Variants in ABCA12 observed in about 807,000 individuals in gnomAD.
ABCA12 encodes ATP binding cassette subfamily A member 12.
In ABCA12, 156 loss-of-function variants were observed where a neutral mutation model predicts 293.5. The ratio of observed to expected loss-of-function variants is 0.53; its 90% confidence interval spans 0.47 to 0.61. ABCA12 has a LOEUF of 0.61. ABCA12 is among the 20% of genes least tolerant of loss of function. ABCA12 has a pLI of 0.00. For missense variants in ABCA12, 2,797 were observed against 3,090.2 expected, an observed-to-expected ratio of 0.91 and a Z score of 2.25; for synonymous variants, 1,063 against 1,108.0, an observed-to-expected ratio of 0.96 and a Z score of 0.81.
chr2:215,107,723 A>C (rs1359371866), intron 2 of ABCA12, among the ~76,000 whole-genome samples: 1 of 152,220 alleles, frequency 6.6e-6, no homozygotes, highest in Non-Finnish European at 1.5e-5. Context: ...TATTTGTTCT[A>C]AATGAGTTAT....
chr2:215,134,464 A>ATATATCTG (rs1559213999), intron 1 of ABCA12, among the ~76,000 whole-genome samples: 1 of 122,444 alleles, frequency 8.2e-6, no homozygotes, highest in African/African-American at 3.2e-5. Flanking sequence ...ACATATATGC[A>ATATATCTG]TATGTGTATG....
At chr2:215,039,736 C>G (rs1039501623) in intron 7 of ABCA12, among the ~76,000 whole-genome samples, 1 of 151,634 alleles carries the variant, frequency 6.6e-6, no homozygotes, top group African/African-American at 2.4e-5. Context: ...GCCTGGGCAA[C>G]AGAGCAAGAC....
At chr2:215,019,120 G>A (rs190854975) in intron 13 of ABCA12, among the ~76,000 whole-genome samples, 21 of 152,270 alleles carry the variant, frequency 1.4e-4, no homozygotes, top group African/African-American at 4.6e-4. Flanking sequence ...AGATCTTTTT[G>A]CTGTGAAATC....
chr2:215,104,532 C>T (rs956907230), intron 2 of ABCA12, among the ~76,000 whole-genome samples: 2 of 152,156 alleles, frequency 1.3e-5, no homozygotes, highest in Non-Finnish European at 2.9e-5. Flanking sequence ...CAGCTCTGCA[C>T]GGGACACTGG....
Position 214,978,998 on chromosome 2 carries a change from C to T in ABCA12, c.4783G>A (p.Val1595Met), listed in dbSNP as rs141196178. The change falls in exon 32 of 53, where the codon GTG (valine) becomes ATG (methionine). Residue 1595 changes from valine (V) to methionine (M), a missense_variant. This residue lies in a region of ABCA12 where 2,130 missense variants were observed against 2,427.0 expected (regional missense o/e 0.88). Coordinates refer to ENST00000272895, the MANE Select transcript of ABCA12 (RefSeq NM_173076.3). ...NANAVCDTMA[V>M]TAMIQSHLPE... is the part of the protein sequence containing the mutation. ...AGATGTGATTGGATCATTGCTGTCA[C>T]GGCCATGGTGTCACATACTGCATTT... is the stretch of plus-strand genomic sequence containing the variant. 26 of 1,613,912 alleles carry T rather than the reference C, an allele frequency of 1.6e-5. No individual in the cohort carries two copies. The highest frequency in any genetic ancestry group is 9.3e-5 in the African/African-American group (7 of 74,888).
chr2:215,117,199 T>A (rs1182836277), intron 1 of ABCA12, among the ~76,000 whole-genome samples: 3 of 152,242 alleles, frequency 2.0e-5, no homozygotes, highest in African/African-American at 7.2e-5. Context: ...ATTTCTGCAT[T>A]CCTTTTTGAA....
chr2:214,987,538 A>C (rs1699814011), intron 27 of ABCA12, 109 bp downstream of exon 27: 5 of 1,335,244 alleles, frequency 3.7e-6, no homozygotes, highest in Non-Finnish European at 5.1e-6. Flanking sequence ...ATCCATGACT[A>C]AAAGGATGAT....
chr2:215,129,954 A>G (rs905139355), intron 1 of ABCA12, among the ~76,000 whole-genome samples: 1 of 152,166 alleles, frequency 6.6e-6, no homozygotes, highest in Non-Finnish European at 1.5e-5. Flanking sequence ...ATGGCTAGCT[A>G]GTTACCCAGC....
rs1700375832 is a variant in ABCA12 at position 215,011,625 on chromosome 2, T to A, written c.2146A>T (p.Asn716Tyr). 1.9e-6 allele frequency: 3 copies of A among 1,614,084 alleles called. No individual in the cohort carries two copies. The highest frequency in any genetic ancestry group is 1.3e-5 in the African/African-American group (1 of 75,054). Reference protein sequence around the residue: ...TQAMYRSNRMNTPQGSFSTIS... With the variant: ...TQAMYRSNRMYTPQGSFSTIS... Reference sequence around the variant, plus strand: ...GTGCTAAATGATCCTTGTGGTGTGTTCATTCGGTTGCTTCTGTACATTGCC... The same window carrying A: ...GTGCTAAATGATCCTTGTGGTGTGTACATTCGGTTGCTTCTGTACATTGCC... Residue 716 changes from asparagine (N) to tyrosine (Y), a missense_variant, in exon 17 of 53, where the codon AAC becomes TAC. This residue lies in a region of ABCA12 where 2,130 missense variants were observed against 2,427.0 expected (regional missense o/e 0.88). Transcript: ENST00000272895.
rs1307237501 is a variant in ABCA12, at chr2:215,046,017, TTA to T, written c.694-4_694-3del. ...CTGATTGTTGGGGTCACTGGATAGC[TTA>T]AAATATAAAACCACAAACAGAGCAA... On this transcript the variant is annotated splice_polypyrimidine_tract_variant and splice_region_variant and intron_variant, in intron 6 of 52. Coordinates refer to ENST00000272895, the MANE Select transcript of ABCA12 (RefSeq NM_173076.3). 6.2e-7 allele frequency: 1 copy of T among 1,613,210 alleles called. No individual in the cohort carries two copies.
At chr2:214,944,747 A>G (rs1042432409) in intron 49 of ABCA12, among the ~76,000 whole-genome samples, 2 of 152,122 alleles carry the variant, frequency 1.3e-5, no homozygotes, top group African/African-American at 4.8e-5. Context: ...CACAGGAACT[A>G]TATTCTCACC....
At chr2:215,108,283 T>G (rs1440283712) in intron 2 of ABCA12, among the ~76,000 whole-genome samples, 1 of 152,214 alleles carries the variant, frequency 6.6e-6, no homozygotes, top group African/African-American at 2.4e-5. Flanking sequence ...AATACATACA[T>G]TGGAATGCAC....
intron 44 of ABCA12, among the ~76,000 whole-genome samples, chr2:214,953,323 T>G (rs373463222): frequency 1.3e-5 from 2 of 152,328 alleles, no homozygotes; most frequent in East Asian, 1.9e-4. Context: ...TGAATAACTT[T>G]AAACATACAT....
chr2:215,082,876 G>A (rs907552441), intron 2 of ABCA12: 1 of 152,160 alleles, frequency 6.6e-6, no homozygotes, highest in Non-Finnish European at 1.5e-5. Context: ...GTACTTTCAC[G>A]AATAATATCC....
intron 50 of ABCA12, 100 bp from the exon 51 acceptor site, chr2:214,937,715 A>G: frequency 1.2e-6 from 1 of 836,944 alleles, no homozygotes; most frequent in Admixed American, 2.0e-5. Flanking sequence ...CAACCATTAT[A>G]TCACCTTTTC....
intron 2 of ABCA12, among the ~76,000 whole-genome samples, chr2:215,086,266 T>C (rs1329711337): frequency 4.6e-5 from 7 of 152,222 alleles, no homozygotes. Context: ...CTTTTGTAGT[T>C]ACTTCTAATC....
At chr2:215,013,834 G>A (rs1700428759) in intron 15 of ABCA12, among the ~76,000 whole-genome samples, 1 of 152,160 alleles carries the variant, frequency 6.6e-6, no homozygotes, top group Admixed American at 6.5e-5. Context: ...ATATTTCAGT[G>A]AACAAAGAGG....
intron 2 of ABCA12, among the ~76,000 whole-genome samples, chr2:215,104,695 G>A (rs750785924): frequency 2.6e-5 from 4 of 152,208 alleles, no homozygotes; most frequent in Non-Finnish European, 2.9e-5. Flanking sequence ...GTCTTTGGCC[G>A]TGAAATTCAA....
chr2:214,974,869 A>G lies in ABCA12; in HGVS notation c.5382-5T>C, dbSNP rs746205501. ...TCCGTGCTCGGGTGATAATTACTGC[A>G]ATATGAAAGGACAGAAACAAATTCA... On this transcript the variant is annotated splice_polypyrimidine_tract_variant and splice_region_variant and intron_variant, in intron 34 of 52. Transcript: ENST00000272895. 14 of 1,612,536 alleles carry G rather than the reference A, an allele frequency of 8.7e-6. No homozygotes were observed. In the East Asian group the frequency reaches 3.1e-4, roughly 36 times the overall value.
Sources: allele counts gnomAD v4.1 joint callset (sites outside exome capture counted in the v4.1 genomes callset), GRCh38; gene constraint gnomAD v4.1.1; regional missense constraint gnomAD v4.1.1; transcripts MANE v1.5; gene names NCBI Gene and HGNC (gene_info 2026-07-23, HGNC 2026-07-21).